The following LRRC4C variants were observed in gnomAD, a reference collection of about 807,000 sequenced individuals.
LRRC4C encodes the protein leucine rich repeat containing 4C.
LRRC4C carries 5 observed loss-of-function variants against 33.6 expected under a neutral mutation model. The ratio of observed to expected loss-of-function variants is 0.15; its 90% CI spans 0.08 to 0.31. LRRC4C has a LOEUF of 0.31. Ranked by LOEUF, LRRC4C falls within the 10% of genes least tolerant of loss-of-function variation. LRRC4C has a pLI of 1.00. For missense variants in LRRC4C, 560 were observed against 796.7 expected (o/e 0.70, Z 3.58); for synonymous variants, 329 against 302.0 (o/e 1.09, Z -0.93).
intron 1 of LRRC4C, among the ~76,000 whole-genome samples, chr11:41,275,737 T>C (rs944386955): frequency 5.3e-5 from 8 of 152,148 alleles, no homozygotes; most frequent in Admixed American, 4.6e-4. Flanking sequence ...AATGACATAG[T>C]CAAATTAGTC....
At chr11:40,571,332 T>G (rs545813211) in intron 3 of LRRC4C, among the ~76,000 whole-genome samples, 2 of 152,254 alleles carry the variant, frequency 1.3e-5, no homozygotes, top group East Asian at 1.9e-4. Flanking sequence ...TTTTTTTAAA[T>G]TTTTAGTTGT....
At chr11:40,188,814 T>C (rs984147715) in intron 5 of LRRC4C, among the ~76,000 whole-genome samples, 1 of 125,264 alleles carries the variant, frequency 8.0e-6, no homozygotes, top group Non-Finnish European at 1.9e-5. Flanking sequence ...CTTGATGACA[T>C]GAAATGAAAA....
intron 2 of LRRC4C, among the ~76,000 whole-genome samples, chr11:40,816,817 T>C (rs1951722816): frequency 6.6e-6 from 1 of 152,146 alleles, no homozygotes; most frequent in Admixed American, 6.6e-5. Flanking sequence ...ATAGGGTATT[T>C]TGATGTTTTT....
chr11:40,793,935 A>G, intron 2 of LRRC4C, among the ~76,000 whole-genome samples: 1 of 152,196 alleles, frequency 6.6e-6, no homozygotes, highest in Non-Finnish European at 1.5e-5. Flanking sequence ...TTATCTTCGT[A>G]TAAACTGACT....
chr11:40,742,143 G>T (rs891883112), intron 2 of LRRC4C, among the ~76,000 whole-genome samples: 2 of 151,930 alleles, frequency 1.3e-5, no homozygotes, highest in Non-Finnish European at 2.9e-5. Flanking sequence ...CCATAATAAT[G>T]TATCTTTCTA....
At chr11:41,107,854 T>C (rs972969844) in intron 1 of LRRC4C, among the ~76,000 whole-genome samples, 1 of 151,994 alleles carries the variant, frequency 6.6e-6, no homozygotes, top group Non-Finnish European at 1.5e-5. Context: ...GGAGAATCAC[T>C]TGAAAATGGG....
At position 41,319,578 on chromosome 11, in the gene LRRC4C, T is replaced by C. The variant is rs546745512; in HGVS notation, c.-496+139853A>G. ...TGTTTGTTGAGACAAGATCTCACTC[T>C]GTCACCCAGGCTGGAGTGTCATGGC... On this transcript the variant is annotated intron_variant, in intron 1 of 6. Coordinates refer to ENST00000528697, the MANE Select transcript of LRRC4C (RefSeq NM_001258419.2). 3.2e-4 allele frequency among the ~76,000 whole-genome samples: 49 copies of C among 152,356 alleles called. 1 individual carries two copies. In the Middle Eastern group the frequency reaches 0.01, roughly 32 times the overall value.
intron 2 of LRRC4C, among the ~76,000 whole-genome samples, chr11:40,660,425 G>T (rs1411612901): frequency 6.6e-6 from 1 of 152,192 alleles, no homozygotes; most frequent in Non-Finnish European, 1.5e-5. Context: ...GGCTGGAAAA[G>T]CAAAACCCTA....
rs536470751 is a variant in LRRC4C, at chr11:40,717,848, A to G, written c.-406-69570T>C. Among the ~76,000 whole-genome samples the G allele has an allele frequency of 6.1e-4, 93 of 152,312 alleles. 1 individual carries two copies. The South Asian group carries it at 0.019, about 31-fold the overall frequency. On this transcript the variant is annotated intron_variant, in intron 2 of 6. Transcript: ENST00000528697. ...AAAACCCCTGGCTTCCAAGTTACAT[A>G]AAGTATGAAGATATGTTCTATATTT...
chr11:40,843,301 C>T (rs1952999432), intron 2 of LRRC4C, among the ~76,000 whole-genome samples: 2 of 152,114 alleles, frequency 1.3e-5, no homozygotes, highest in African/African-American at 2.4e-5. Flanking sequence ...GAGACCAACC[C>T]TATGTACTAG....
chr11:40,608,249 TG>T (rs1565555007), intron 3 of LRRC4C, among the ~76,000 whole-genome samples: 1 of 152,102 alleles, frequency 6.6e-6, no homozygotes, highest in African/African-American at 2.4e-5. Flanking sequence ...TAATAAATTG[TG>T]GGGGGAAAGT....
chr11:41,140,991 G>A (rs926538500), intron 1 of LRRC4C, among the ~76,000 whole-genome samples: 3 of 152,076 alleles, frequency 2.0e-5, no homozygotes, highest in East Asian at 1.9e-4. Context: ...TTTATACAAC[G>A]GGAGTAAGAA....
chr11:40,553,595 T>G (rs1056775150), intron 3 of LRRC4C, among the ~76,000 whole-genome samples: 3 of 152,144 alleles, frequency 2.0e-5, no homozygotes, highest in Non-Finnish European at 2.9e-5. Context: ...CAGTTATTTT[T>G]GGACTTTTTA....
At chr11:40,976,506 T>A (rs1852093455) in intron 1 of LRRC4C, among the ~76,000 whole-genome samples, 2 of 152,202 alleles carry the variant, frequency 1.3e-5, no homozygotes, top group African/African-American at 4.8e-5. Flanking sequence ...TCAAAAGCTG[T>A]ATACAGCAAA....
At chr11:41,381,464 A>G (rs899490025) in intron 1 of LRRC4C, among the ~76,000 whole-genome samples, 88 of 152,076 alleles carry the variant, frequency 5.8e-4, no homozygotes, top group African/African-American at 1.8e-3. Flanking sequence ...TGTCTGTACT[A>G]AAAATACAAA....
At chr11:41,297,843 C>A (rs1565558629) in intron 1 of LRRC4C, among the ~76,000 whole-genome samples, 1 of 152,264 alleles carries the variant, frequency 6.6e-6, no homozygotes, top group Non-Finnish European at 1.5e-5. Flanking sequence ...TCCGCAGAAT[C>A]TGGTATTCAG....
At chr11:40,309,719 C>T (rs910747607) in intron 4 of LRRC4C, among the ~76,000 whole-genome samples, 11 of 152,106 alleles carry the variant, frequency 7.2e-5, no homozygotes, top group African/African-American at 2.4e-4. Flanking sequence ...GTAGCCCAGG[C>T]TGGTCTCAAA....
intron 1 of LRRC4C, among the ~76,000 whole-genome samples, chr11:41,044,230 T>C (rs1857623484): frequency 2.0e-5 from 3 of 152,072 alleles, no homozygotes; most frequent in Non-Finnish European, 2.9e-5. Context: ...TGAAAAAGAA[T>C]AGAAGGAAAA....
intron 1 of LRRC4C, among the ~76,000 whole-genome samples, chr11:41,422,874 A>G (rs1312849835): frequency 6.6e-6 from 1 of 152,110 alleles, no homozygotes; most frequent in East Asian, 1.9e-4. Context: ...GACGCACTGA[A>G]TTAGCAGCAT....
Sources: allele counts gnomAD v4.1 joint callset (sites outside exome capture counted in the v4.1 genomes callset), GRCh38; gene constraint gnomAD v4.1.1; transcripts MANE v1.5; gene names NCBI Gene and HGNC (gene_info 2026-07-23, HGNC 2026-07-21).